The following MYO3B variants were observed in gnomAD, a reference collection of about 807,000 sequenced individuals.
MYO3B encodes myosin IIIB.
MYO3B carries 156 observed loss-of-function variants against 174.6 expected under a neutral mutation model. The observed-to-expected ratio is 0.89, with a 90% CI of 0.78 to 1.02. The LOEUF is 1.02. Among genes scored for constraint, MYO3B ranks in the 50% least tolerant of loss-of-function variants. The pLI is 0.00. For missense variants in MYO3B, 1,632 were observed against 1,639.4 expected (o/e 1.00, Z 0.08); for synonymous variants, 563 against 569.1 (o/e 0.99, Z 0.15).
intron 7 of MYO3B, among the ~76,000 whole-genome samples, chr2:170,297,041 G>A (rs1396448783): frequency 1.3e-5 from 2 of 152,070 alleles, no homozygotes; most frequent in African/African-American, 4.8e-5. Context: ...ATGAGATTTG[G>A]GTGGGTACAC....
intron 7 of MYO3B, among the ~76,000 whole-genome samples, chr2:170,276,461 T>G (rs759076425): frequency 6.6e-6 from 1 of 152,228 alleles, no homozygotes; most frequent in East Asian, 1.9e-4. Flanking sequence ...TTTTATATAG[T>G]ATACAAACCC....
intron 7 of MYO3B, among the ~76,000 whole-genome samples, chr2:170,243,543 G>A (rs1384795132): frequency 6.6e-6 from 1 of 152,174 alleles, no homozygotes; most frequent in Non-Finnish European, 1.5e-5. Context: ...ATGTCTGTGT[G>A]TGTCAGTGTC....
At chr2:170,235,518 TATGTTAACC>T (rs1282867523) in intron 6 of MYO3B, among the ~76,000 whole-genome samples, 2 of 152,198 alleles carry the variant, frequency 1.3e-5, no homozygotes, top group Admixed American at 1.3e-4. Flanking sequence ...ATTTCTACTT[TATGTTAACC>T]ATGTGGGTCT....
At chr2:170,516,356 A>C (rs1424669821) in intron 29 of MYO3B, among the ~76,000 whole-genome samples, 8 of 151,526 alleles carry the variant, frequency 5.3e-5, no homozygotes, top group African/African-American at 1.7e-4. Flanking sequence ...AAATAGTCTG[A>C]TAGAGATGGG....
At chr2:170,356,464 G>T (rs999204842) in intron 8 of MYO3B, among the ~76,000 whole-genome samples, 1 of 152,062 alleles carries the variant, frequency 6.6e-6, no homozygotes, top group Non-Finnish European at 1.5e-5. Flanking sequence ...CTGGGTTCAA[G>T]CAGTTCTCCT....
intron 32 of MYO3B, among the ~76,000 whole-genome samples, chr2:170,601,282 C>T (rs1465794687): frequency 6.6e-6 from 1 of 152,178 alleles, no homozygotes; most frequent in Non-Finnish European, 1.5e-5. Context: ...TAAGCTGCAT[C>T]AGAGACAACT....
At chr2:170,364,475 C>G (rs1302357379) in intron 8 of MYO3B, among the ~76,000 whole-genome samples, 1 of 152,102 alleles carries the variant, frequency 6.6e-6, no homozygotes, top group Non-Finnish European at 1.5e-5. Flanking sequence ...TTGGCTGGCC[C>G]CCAATCCCAT....
In MYO3B at chr2:170,422,673, G is replaced by T. The variant is rs1006870441; in HGVS notation, c.2650+14829G>T. Among the ~76,000 whole-genome samples the T allele has an allele frequency of 1.6e-3, 249 of 152,022 alleles. 2 individuals carry two copies. The highest frequency in any genetic ancestry group is 5.8e-3 in the African/African-American group (242 of 41,462). ...GGGGTTTCACCATGTTGGCCAGGCT[G>T]GTCTCAAACTGACCTCAGGTGATCC... On this transcript the variant is annotated intron_variant, in intron 22 of 34. Transcript: ENST00000408978.
intron 28 of MYO3B, among the ~76,000 whole-genome samples, chr2:170,511,947 C>A (rs576891464): frequency 6.6e-6 from 1 of 152,112 alleles, no homozygotes; most frequent in Non-Finnish European, 1.5e-5. Context: ...AATGGATTGA[C>A]GGTCCCTAGA....
chr2:170,586,549 T>C (rs1039907881), intron 32 of MYO3B, among the ~76,000 whole-genome samples: 2 of 152,272 alleles, frequency 1.3e-5, no homozygotes, highest in Admixed American at 6.5e-5. Flanking sequence ...GTGCCTGTTA[T>C]GTATGTTACT....
At chr2:170,490,059 T>C (rs1482447358) in intron 25 of MYO3B, among the ~76,000 whole-genome samples, 1 of 150,712 alleles carries the variant, frequency 6.6e-6, no homozygotes, top group Non-Finnish European at 1.5e-5. Flanking sequence ...GATGGAGTCT[T>C]GCACTGTTGC....
At chr2:170,414,618 G>C (rs938117137) in intron 22 of MYO3B, among the ~76,000 whole-genome samples, 1 of 152,136 alleles carries the variant, frequency 6.6e-6, no homozygotes, top group Non-Finnish European at 1.5e-5. Context: ...TCTATAAAAA[G>C]TCCTGCTGGG....
At chr2:170,532,071 A>C (rs1689388750) in intron 30 of MYO3B, among the ~76,000 whole-genome samples, 1 of 152,242 alleles carries the variant, frequency 6.6e-6, no homozygotes, top group Admixed American at 6.5e-5. Flanking sequence ...AAGTGATGAA[A>C]GTTAGCATCA....
intron 8 of MYO3B, chr2:170,340,057 T>C (rs2093967896): frequency 6.6e-6 from 1 of 152,206 alleles, no homozygotes; most frequent in Non-Finnish European, 1.5e-5. Context: ...TTTGATAAGA[T>C]AAAAATAATT....
chr2:170,430,059 T>C (rs953694784), intron 22 of MYO3B, among the ~76,000 whole-genome samples: 1 of 151,526 alleles, frequency 6.6e-6, no homozygotes, highest in African/African-American at 2.4e-5. Context: ...ACAATATTGG[T>C]TGGATGCAAA....
At chr2:170,189,036 G>T (rs183968885) in intron 1 of MYO3B, among the ~76,000 whole-genome samples, 5 of 152,166 alleles carry the variant, frequency 3.3e-5, no homozygotes, top group Admixed American at 1.3e-4. Context: ...GTCAGGTCTG[G>T]TGCTGATCAA....
At chr2:170,585,453 A>G (rs1245114771) in intron 32 of MYO3B, among the ~76,000 whole-genome samples, 1 of 152,112 alleles carries the variant, frequency 6.6e-6, no homozygotes, top group Non-Finnish European at 1.5e-5. Context: ...TGGATGTGCT[A>G]CCTGCTCACC....
intron 7 of MYO3B, among the ~76,000 whole-genome samples, chr2:170,300,008 C>A (rs2093655188): frequency 2.0e-5 from 3 of 152,216 alleles, no homozygotes; most frequent in Non-Finnish European, 2.9e-5. Flanking sequence ...TGATAACTCA[C>A]TATTGTTTTG....
Position 170,326,677 on chromosome 2 carries a change from G to A in MYO3B, c.750-8708G>A, listed in dbSNP as rs117376950. On this transcript the variant is annotated intron_variant, in intron 7 of 34. Coordinates refer to ENST00000408978, the MANE Select transcript of MYO3B (RefSeq NM_138995.5). ...AATTGCTTATGCGTCCTGTGTTTGC[G>A]TAAGGAGAGTACAGTAGAGGGAAAG... Among the ~76,000 whole-genome samples, 807 of 152,276 alleles carry A rather than the reference G, an allele frequency of 5.3e-3. 9 individuals are homozygous for A. The highest frequency in any genetic ancestry group is 0.039 in the East Asian group (200 of 5,180).
Sources: gnomAD v4.1 joint callset for allele counts (sites outside exome capture counted in the v4.1 genomes callset) on GRCh38, gnomAD v4.1.1 for gene constraint, MANE v1.5 for transcripts, NCBI Gene and HGNC (gene_info 2026-07-23, HGNC 2026-07-21) for gene names.